The following SEMA6D variants were observed in gnomAD, a reference collection of about 807,000 sequenced individuals.
The protein encoded by SEMA6D is semaphorin 6D, also known as semaphorin-6D.
Under a neutral mutation model 106.6 loss-of-function variants are expected in SEMA6D, and 35 were observed. The observed-to-expected ratio is 0.33, with a 90% CI of 0.25 to 0.44. The LOEUF (loss-of-function observed/expected upper bound fraction) is 0.44. Ranked by LOEUF, SEMA6D falls within the 20% of genes least tolerant of loss-of-function variation. SEMA6D has a pLI of 1.00. For synonymous variants in SEMA6D, 499 were observed against 487.7 expected (o/e 1.02, Z -0.31); for missense variants, 1,185 against 1,345.9 (o/e 0.88, Z 1.87).
chr15:47,492,192 A>G (rs1001285608), intron 3 of SEMA6D, among the ~76,000 whole-genome samples: 2 of 152,222 alleles, frequency 1.3e-5, no homozygotes, highest in Non-Finnish European at 1.5e-5. Flanking sequence ...TGTGACATGA[A>G]GTTAAACAAA....
Position 47,299,437 on chromosome 15 carries a change from G to A in SEMA6D, c.-238-112956G>A, listed in dbSNP as rs78654037. Among the ~76,000 whole-genome samples, 653 of 152,292 alleles carry A rather than the reference G, an allele frequency of 4.3e-3. 7 individuals are homozygous for A. Among genetic ancestry groups the A allele is most frequent in the African/African-American group, 0.015 (618 of 41,558 alleles). ...TGGTGCTCATCCAAATTTTCATTCA[G>A]TGTAATTTTGGATTCCTTTTGGGTA... On this transcript the variant is annotated intron_variant, in intron 1 of 19. Transcript: ENST00000558014.
At chr15:47,573,903 C>T (rs144979249) in intron 3 of SEMA6D, among the ~76,000 whole-genome samples, 1 of 152,226 alleles carries the variant, frequency 6.6e-6, no homozygotes, top group Non-Finnish European at 1.5e-5. Context: ...ACATATCCCT[C>T]ATTTCTGATG....
intron 3 of SEMA6D, among the ~76,000 whole-genome samples, chr15:47,507,912 A>G (rs1031791742): frequency 6.6e-5 from 10 of 152,240 alleles, no homozygotes; most frequent in African/African-American, 1.9e-4. Context: ...TTCGGGCTAC[A>G]GATGGCAAGT....
intron 2 of SEMA6D, among the ~76,000 whole-genome samples, chr15:47,445,866 A>G (rs1559677): frequency 0.5 from 75,272 of 151,824 alleles, 20,514 homozygotes; most frequent in African/African-American, 0.74. Context: ...GGTTGTGTTC[A>G]AAATGTACGA....
intron 1 of SEMA6D, among the ~76,000 whole-genome samples, chr15:47,728,448 T>C (rs2079905253): frequency 2.0e-5 from 3 of 152,226 alleles, no homozygotes; most frequent in Non-Finnish European, 2.9e-5. Context: ...TTTATTGAGT[T>C]CTTAATCTGT....
intron 1 of SEMA6D, among the ~76,000 whole-genome samples, chr15:47,191,406 G>C (rs1447556852): frequency 6.6e-6 from 1 of 152,034 alleles, no homozygotes; most frequent in Non-Finnish European, 1.5e-5. Context: ...TAACACTTTT[G>C]AATAATTTGT....
At chr15:47,286,296 G>C (rs954847012) in intron 1 of SEMA6D, among the ~76,000 whole-genome samples, 1 of 152,006 alleles carries the variant, frequency 6.6e-6, no homozygotes, top group Non-Finnish European at 1.5e-5. Context: ...GACTTGAACT[G>C]GTCTGGAAAG....
At chr15:47,423,880 C>A (rs761414417) in intron 2 of SEMA6D, among the ~76,000 whole-genome samples, 6 of 151,952 alleles carry the variant, frequency 3.9e-5, no homozygotes, top group Non-Finnish European at 8.8e-5. Flanking sequence ...TTTTCTTGCT[C>A]AAAGTACTAA....
At chr15:47,318,433 A>T (rs1477056570) in intron 1 of SEMA6D, among the ~76,000 whole-genome samples, 1 of 108,296 alleles carries the variant, frequency 9.2e-6, no homozygotes, top group Non-Finnish European at 1.9e-5. Context: ...CCACCCCACA[A>T]CAGTCCCCAG....
At position 47,369,359 on chromosome 15, in the gene SEMA6D, T is replaced by TGG. The variant is rs1308473626; in HGVS notation, c.-238-43034_-238-43033insGG. On this transcript the variant is annotated intron_variant, in intron 1 of 19. Transcript: ENST00000558014. ...TGAATTGTTTGACACTTTCACAATC[T>TGG]ACTGAAATTTTCAAGGGGAAAAAGA... Among the ~76,000 whole-genome samples, 14 of 152,340 alleles carry TGG rather than the reference T, an allele frequency of 9.2e-5. No individual in the cohort carries two copies. The East Asian group carries it at 2.7e-3, about 29-fold the overall frequency.
At chr15:47,391,654 T>C (rs1372832215) in intron 1 of SEMA6D, among the ~76,000 whole-genome samples, 1 of 129,078 alleles carries the variant, frequency 7.7e-6, no homozygotes. Flanking sequence ...CAGAAACAAC[T>C]ATTGATTTTT....
At chr15:47,187,194 A>G (rs1424945446) in intron 1 of SEMA6D, among the ~76,000 whole-genome samples, 2 of 152,232 alleles carry the variant, frequency 1.3e-5, no homozygotes, top group Non-Finnish European at 2.9e-5. Context: ...TGGAAAATAA[A>G]TATTTTTAAG....
intron 2 of SEMA6D, among the ~76,000 whole-genome samples, chr15:47,435,906 C>A (rs955345449): frequency 6.6e-6 from 1 of 151,850 alleles, no homozygotes; most frequent in Non-Finnish European, 1.5e-5. Context: ...TTAGTAGGGG[C>A]GATATGGTTT....
chr15:47,686,627 G>A (rs2078475389), intron 4 of SEMA6D, among the ~76,000 whole-genome samples: 1 of 152,070 alleles, frequency 6.6e-6, no homozygotes, highest in Non-Finnish European at 1.5e-5. Flanking sequence ...CCTTCTTCCT[G>A]GTCACCCACC....
At chr15:47,515,363 C>T (rs755543965) in intron 3 of SEMA6D, among the ~76,000 whole-genome samples, 45 of 152,132 alleles carry the variant, frequency 3.0e-4, no homozygotes, top group Non-Finnish European at 5.9e-4. Flanking sequence ...AGTTATTATG[C>T]CTGTTTTTAT....
At chr15:47,671,946 G>A (rs1341419114) in intron 4 of SEMA6D, among the ~76,000 whole-genome samples, 1 of 152,142 alleles carries the variant, frequency 6.6e-6, no homozygotes, top group African/African-American at 2.4e-5. Context: ...AGCATTTACA[G>A]CATGCCAAAT....
intron 1 of SEMA6D, among the ~76,000 whole-genome samples, chr15:47,389,702 C>G (rs375611977): frequency 3.9e-5 from 6 of 152,112 alleles, no homozygotes; most frequent in African/African-American, 1.4e-4. Context: ...ATAGAAAACC[C>G]GAAGTGTCTT....
chr15:47,612,693 G>A (rs892456443), intron 4 of SEMA6D, among the ~76,000 whole-genome samples: 1 of 152,192 alleles, frequency 6.6e-6, no homozygotes, highest in African/African-American at 2.4e-5. Flanking sequence ...TGTGAATGAA[G>A]GGTATGGGCT....
In SEMA6D at chr15:47,770,780, T is replaced by A; in HGVS notation, c.2217T>A (p.Ser739Arg). Residue 739 changes from serine (S) to arginine (R), a missense_variant, in exon 19 of 19, where the codon AGT (serine) becomes AGA (arginine). By Grantham distance (110) the Ser-to-Arg change is moderately radical (BLOSUM62 -1). This residue lies in a region of SEMA6D where 750 missense variants were observed against 783.5 expected (regional missense o/e 0.96). Coordinates refer to ENST00000536845, the MANE Select transcript of SEMA6D (RefSeq NM_001358351.3). ...QQNIDSPKLY[S>R]NLLTSRKELP... ...ATATTGATTCTCCTAAACTGTATAG[T>A]AACCTGCTAACCAGTCGGAAAGAGC... The A allele has an allele frequency of 6.2e-7, 1 of 1,614,056 alleles. No homozygotes were observed. Among genetic ancestry groups the A allele is most frequent in the Non-Finnish European group, 8.5e-7 (1 of 1,179,998 alleles).
Sources: gnomAD v4.1 joint callset for allele counts (sites outside exome capture counted in the v4.1 genomes callset) on GRCh38, gnomAD v4.1.1 for gene constraint, gnomAD v4.1.1 regional missense constraint, MANE v1.5 for transcripts, NCBI Gene and HGNC (gene_info 2026-07-23, HGNC 2026-07-21) for gene names.